The following NALCN variants were observed in gnomAD, a reference collection of about 807,000 sequenced individuals.
NALCN encodes sodium leak channel, non-selective.
NALCN carries 111 observed loss-of-function variants against 225.3 expected under a neutral mutation model. The observed-to-expected ratio is 0.49, with a 90% confidence interval of 0.42 to 0.58. The LOEUF is 0.58. NALCN is among the 20% of genes least tolerant of loss of function. The pLI, the probability that NALCN is intolerant of heterozygous loss-of-function variation, is 0.00. For synonymous variants in NALCN, 764 were observed against 769.0 expected (o/e 0.99, Z 0.11); for missense variants, 1,378 against 2,202.4 (o/e 0.63, Z 7.49).
At chr13:101,387,581 T>C (rs904248521) in intron 3 of NALCN, among the ~76,000 whole-genome samples, 1 of 152,264 alleles carries the variant, frequency 6.6e-6, no homozygotes, top group East Asian at 1.9e-4. Context: ...TTATTCTGGG[T>C]GAAGGGACTA....
At chr13:101,253,277 A>T (rs1379809645) in intron 11 of NALCN, among the ~76,000 whole-genome samples, 1 of 152,190 alleles carries the variant, frequency 6.6e-6, no homozygotes, top group Non-Finnish European at 1.5e-5. Flanking sequence ...AAGTATCTTA[A>T]TTTATTCTTA....
intron 32 of NALCN, 80 bp from the exon 33 acceptor site, chr13:101,082,963 C>T (rs2033738892): frequency 1.9e-6 from 3 of 1,579,310 alleles, no homozygotes; most frequent in Admixed American, 1.7e-5. Flanking sequence ...CCCACTTTGC[C>T]ATTGACAGTG....
At chr13:101,088,503 A>G (rs921971980) in intron 30 of NALCN, among the ~76,000 whole-genome samples, 1 of 152,160 alleles carries the variant, frequency 6.6e-6, no homozygotes, top group Non-Finnish European at 1.5e-5. Flanking sequence ...ATAGGCACCA[A>G]TTCTGAATTC....
chr13:101,193,172 C>T (rs1226165663), intron 13 of NALCN, among the ~76,000 whole-genome samples: 1 of 150,448 alleles, frequency 6.6e-6, no homozygotes, highest in Non-Finnish European at 1.5e-5. Context: ...CAAAGTCACA[C>T]TATTAATTTC....
chr13:101,259,786 A>ATG (rs766637654), intron 10 of NALCN, among the ~76,000 whole-genome samples: 2 of 148,242 alleles, frequency 1.3e-5, no homozygotes, highest in Non-Finnish European at 3.0e-5. Context: ...ATACACATAT[A>ATG]TATTTATGGA....
At chr13:101,130,738 T>G (rs1566313919) in intron 17 of NALCN, among the ~76,000 whole-genome samples, 1 of 152,216 alleles carries the variant, frequency 6.6e-6, no homozygotes, top group African/African-American at 2.4e-5. Context: ...CTTTCCTTTA[T>G]AAATCACTTG....
At chr13:101,184,627 A>C (rs571286964) in intron 14 of NALCN, among the ~76,000 whole-genome samples, 140 of 152,312 alleles carry the variant, frequency 9.2e-4, no homozygotes, top group African/African-American at 3.2e-3. Context: ...TTTTGTTGTG[A>C]TGCAGATCAT....
chr13:101,081,205 C>A (rs1322417655), intron 34 of NALCN, among the ~76,000 whole-genome samples: 1 of 152,212 alleles, frequency 6.6e-6, no homozygotes. Flanking sequence ...GTCTCTGTTG[C>A]AGTCTTCCTC....
At chr13:101,349,568 G>A (rs2045845620) in intron 6 of NALCN, among the ~76,000 whole-genome samples, 1 of 152,174 alleles carries the variant, frequency 6.6e-6, no homozygotes. Flanking sequence ...GTGAGTATGG[G>A]AGGAAGACAC....
chr13:101,125,795 C>A (rs945017065), intron 17 of NALCN, among the ~76,000 whole-genome samples: 1 of 152,094 alleles, frequency 6.6e-6, no homozygotes, highest in Non-Finnish European at 1.5e-5. Context: ...GAGGCAAAGG[C>A]GGTACTGGGT....
At chr13:101,359,695 T>C (rs1214728821) in intron 6 of NALCN, among the ~76,000 whole-genome samples, 2 of 152,332 alleles carry the variant, frequency 1.3e-5, no homozygotes, top group East Asian at 1.9e-4. Context: ...CATATATCTG[T>C]CTTTGGTAAA....
chr13:101,116,176 A>C (rs910132780), intron 18 of NALCN, among the ~76,000 whole-genome samples: 1 of 151,932 alleles, frequency 6.6e-6, no homozygotes, highest in African/African-American at 2.4e-5. Context: ...CAGCAAACAC[A>C]CATTCCCAGT....
intron 7 of NALCN, among the ~76,000 whole-genome samples, chr13:101,323,393 C>T (rs939773355): frequency 5.3e-5 from 8 of 152,312 alleles, no homozygotes; most frequent in African/African-American, 1.9e-4. Flanking sequence ...CATTAACAAA[C>T]AATCTGTACT....
At chr13:101,414,632 TA>T (rs1432442937) in intron 1 of NALCN, among the ~76,000 whole-genome samples, 2 of 152,248 alleles carry the variant, frequency 1.3e-5, no homozygotes, top group Non-Finnish European at 2.9e-5. Flanking sequence ...TTCAGTTCAC[TA>T]AATTGCAACT....
intron 7 of NALCN, among the ~76,000 whole-genome samples, chr13:101,337,705 G>C (rs1594701669): frequency 6.6e-6 from 1 of 152,162 alleles, no homozygotes; most frequent in South Asian, 2.1e-4. Context: ...TCACTCTTTT[G>C]GAAGATGTGT....
chr13:101,124,520 G>T lies in NALCN; in HGVS notation c.2192+88C>A, dbSNP rs566006640. 4.4e-6 allele frequency: 5 copies of T among 1,139,150 alleles called. No homozygotes were observed. The East Asian group carries it at 1.2e-4, about 27-fold the overall frequency. 70.6% of individuals were successfully genotyped at this position (1,139,150 alleles called of 1,614,324 possible). A position where few individuals can be genotyped will look rare whatever the true frequency, so the allele number is the denominator to read the frequency against. On this transcript the variant is annotated intron_variant, in intron 18 of 43. Transcript: ENST00000251127. ...GGCAGAAAGTATATGCTGATGCCCA[G>T]AACATTAATTCATTTTTCAAAAAGC...
intron 1 of NALCN, among the ~76,000 whole-genome samples, chr13:101,399,908 G>C (rs1195276825): frequency 1.3e-5 from 2 of 152,134 alleles, no homozygotes; most frequent in African/African-American, 4.8e-5. Context: ...GTCACTTGAA[G>C]GGGGGCTATT....
At chr13:101,072,131 A>C (rs1179584896) in intron 37 of NALCN, among the ~76,000 whole-genome samples, 3 of 152,214 alleles carry the variant, frequency 2.0e-5, no homozygotes, top group East Asian at 3.9e-4. Context: ...CAGATCACCA[A>C]AACAGATAAT....
At chr13:101,332,644 C>A (rs933344962) in intron 7 of NALCN, among the ~76,000 whole-genome samples, 1 of 152,154 alleles carries the variant, frequency 6.6e-6, no homozygotes, top group Non-Finnish European at 1.5e-5. Flanking sequence ...GCACACTTAA[C>A]TTATGCTACT....
Sources: gnomAD v4.1 joint callset for allele counts (sites outside exome capture counted in the v4.1 genomes callset) on GRCh38, gnomAD v4.1.1 for gene constraint, MANE v1.5 for transcripts, NCBI Gene and HGNC (gene_info 2026-07-23, HGNC 2026-07-21) for gene names.